Variants in ARAP2 observed in about 807,000 individuals in gnomAD.
ARAP2 encodes the protein arf-GAP with Rho-GAP domain, ANK repeat and PH domain-containing protein 2.
ARAP2 carries 148 observed loss-of-function variants against 194.5 expected under a neutral mutation model. The observed-to-expected ratio is 0.76, with a 90% CI of 0.67 to 0.87. The LOEUF is 0.87. Ranked by LOEUF, ARAP2 falls within the 40% of genes least tolerant of loss-of-function variation. The pLI is 0.00. For synonymous variants in ARAP2, 695 were observed against 683.5 expected (o/e 1.02, Z -0.26); for missense variants, 2,128 against 1,989.7 (o/e 1.07, Z -1.32).
chr4:36,244,017 A>C (rs1307575797), intron 1 of ARAP2, 162 bp downstream of exon 1: 1 of 152,140 alleles, frequency 6.6e-6, no homozygotes, highest in Non-Finnish European at 1.5e-5. Context: ...AGACGCCCAC[A>C]CGCGGGAGCG....
At chr4:36,008,136 T>G (rs1206433899) in intron 9 of ARAP2, among the ~76,000 whole-genome samples, 1 of 152,140 alleles carries the variant, frequency 6.6e-6, no homozygotes, top group Non-Finnish European at 1.5e-5. Flanking sequence ...ATTTACAGAT[T>G]TAATGCTATT....
intron 19 of ARAP2, among the ~76,000 whole-genome samples, chr4:36,141,413 A>G (rs1456037421): frequency 6.6e-6 from 1 of 151,632 alleles, no homozygotes; most frequent in African/African-American, 2.4e-5. Flanking sequence ...CATCTGGAAC[A>G]CCTTCTGTTT....
intron 2 of ARAP2, among the ~76,000 whole-genome samples, chr4:36,219,433 C>G (rs1748684993): frequency 6.6e-6 from 1 of 152,120 alleles, no homozygotes; most frequent in Non-Finnish European, 1.5e-5. Context: ...TGTGTGACTC[C>G]ATTTATATAA....
intron 31 of ARAP2, among the ~76,000 whole-genome samples, chr4:36,074,993 T>C (rs775057801): frequency 6.6e-6 from 1 of 152,138 alleles, no homozygotes; most frequent in African/African-American, 2.4e-5. Context: ...GCATTTACCT[T>C]AGTTCCGCAA....
At chr4:36,053,708 A>C (rs981588503) in intron 2 of ARAP2, among the ~76,000 whole-genome samples, 1 of 152,240 alleles carries the variant, frequency 6.6e-6, no homozygotes, top group Admixed American at 6.5e-5. Context: ...AAAATTGAAG[A>C]GTTTTTAAAC....
At chr4:36,098,580 A>G (rs1003267753) in intron 27 of ARAP2, among the ~76,000 whole-genome samples, 13 of 152,122 alleles carry the variant, frequency 8.5e-5, no homozygotes, top group African/African-American at 3.1e-4. Context: ...CAACTCCTAT[A>G]CATCTCTGTA....
chr4:36,230,197 G>A (rs2109343028), intron 1 of ARAP2, among the ~76,000 whole-genome samples: 1 of 152,298 alleles, frequency 6.6e-6, no homozygotes, highest in Middle Eastern at 3.4e-3. Context: ...TCAAGCACAG[G>A]AATTAAAATT....
downstream of ARAP2, among the ~76,000 whole-genome samples, chr4:36,061,597 A>G (rs1724452381): frequency 6.6e-6 from 1 of 152,138 alleles, no homozygotes; most frequent in Non-Finnish European, 1.5e-5. Context: ...TGTTGCTTCC[A>G]TATTTTGGCT....
intron 30 of ARAP2, among the ~76,000 whole-genome samples, chr4:36,080,597 A>G (rs950604710): frequency 1.4e-4 from 22 of 152,212 alleles, no homozygotes; most frequent in African/African-American, 5.1e-4. Context: ...ACCTGATGGT[A>G]AAACACTGTA....
intron 26 of ARAP2, among the ~76,000 whole-genome samples, chr4:36,112,236 A>G (rs1036971204): frequency 6.6e-6 from 1 of 151,962 alleles, no homozygotes; most frequent in Non-Finnish European, 1.5e-5. Context: ...AAAAATATAA[A>G]GCCTGAAATA....
intron 5 of ARAP2, among the ~76,000 whole-genome samples, chr4:36,034,410 G>C (rs979934133): frequency 2.6e-5 from 4 of 152,086 alleles, no homozygotes; most frequent in Admixed American, 6.6e-5. Context: ...TGGATATTGT[G>C]AATGGGATTG....
chr4:36,148,855 C>A (rs1286930810), intron 16 of ARAP2, among the ~76,000 whole-genome samples: 1 of 152,124 alleles, frequency 6.6e-6, no homozygotes, highest in Non-Finnish European at 1.5e-5. Context: ...CTGTTCAAAG[C>A]AAACACTGCC....
At chr4:36,012,719 G>A (rs920112869) in exon 9 of ARAP2, 35 of 152,250 alleles carry the variant, frequency 2.3e-4, no homozygotes, top group African/African-American at 6.5e-4. Context: ...GGTTCCCTCC[G>A]AGTAGAAAGG....
intron 31 of ARAP2, among the ~76,000 whole-genome samples, chr4:36,079,500 A>T (rs143654561): frequency 1.4e-4 from 22 of 152,312 alleles, no homozygotes; most frequent in African/African-American, 5.0e-4. Flanking sequence ...TCAATGCTCC[A>T]TGAGAAGCAT....
Position 36,209,485 on chromosome 4 carries a change from T to C in ARAP2, c.1487+905A>G, listed in dbSNP as rs149859683. ...CATACAATTTCGGGGTGTTTTGCTATCTTTTGAAATGTTAATTCCTGCTTC... is the reference window on the plus strand; with the variant it reads ...CATACAATTTCGGGGTGTTTTGCTACCTTTTGAAATGTTAATTCCTGCTTC... On this transcript the variant is annotated intron_variant, in intron 6 of 32. Coordinates refer to ENST00000303965, the MANE Select transcript of ARAP2 (RefSeq NM_015230.4). 1.1e-3 allele frequency: 394 copies of C among 374,062 alleles called. 1 individual carries two copies. Among genetic ancestry groups the C allele is most frequent in the African/African-American group, 7.9e-3 (366 of 46,326 alleles). 23.2% of individuals were successfully genotyped at this position (374,062 alleles called of 1,614,324 possible). A position where few individuals can be genotyped will look rare whatever the true frequency, so the allele number is the denominator to read the frequency against.
intron 19 of ARAP2, among the ~76,000 whole-genome samples, chr4:36,134,409 T>G (rs890993369): frequency 6.6e-6 from 1 of 151,646 alleles, no homozygotes; most frequent in African/African-American, 2.4e-5. Flanking sequence ...AAAATTCTGT[T>G]GACTACAGTT....
intron 5 of ARAP2, among the ~76,000 whole-genome samples, chr4:36,044,725 T>TAA (rs927749396): frequency 9.2e-5 from 14 of 152,104 alleles, no homozygotes; most frequent in African/African-American, 2.9e-4. Context: ...AAAGGTTTTG[T>TAA]ATAGCAAAGT....
chr4:36,156,427 GAAAGAAAGAAAGAAAGAGAA>G lies in ARAP2; in HGVS notation c.2752+2283_2752+2302del, dbSNP rs1287654959. Among the ~76,000 whole-genome samples the G allele has an allele frequency of 5.2e-3, 86 of 16,640 alleles. 1 individual carries two copies. The highest frequency in any genetic ancestry group is 6.2e-3 in the Non-Finnish European group (58 of 9,284). The allele number at this position is 16,640 out of a possible 152,430, so 10.9% of individuals were successfully genotyped here. ...AGAAAGAAAGAAAGAAAGAAAGAAA[GAAAGAAAGAAAGAAAGAGAA>G]AGAAAGAAAGAAAGAAAGAAATGAA... is the stretch of plus-strand genomic sequence containing the variant. On this transcript the variant is annotated intron_variant, in intron 15 of 32. Transcript: ENST00000303965.
At chr4:36,065,622 C>T (rs112879353), downstream of ARAP2, 2,287 of 197,066 alleles carry the variant, frequency 0.012, 41 homozygotes, top group African/African-American at 0.041. Context: ...TGTTCCTGAA[C>T]ATGAGGGACT....
Sources: allele counts gnomAD v4.1 joint callset (sites outside exome capture counted in the v4.1 genomes callset), GRCh38; gene constraint gnomAD v4.1.1; transcripts MANE v1.5; gene names NCBI Gene and HGNC (gene_info 2026-07-23, HGNC 2026-07-21).